PAK5: variants seen among roughly 807,000 people sequenced by gnomAD.
PAK5 encodes serine/threonine-protein kinase PAK 5.
In PAK5, 16 loss-of-function variants were observed where a neutral mutation model predicts 65.9. That is an observed-to-expected ratio of 0.24 (90% CI 0.16 to 0.37). The LOEUF (loss-of-function observed/expected upper bound fraction) is 0.37, where lower values mean the gene tolerates loss of function less well. PAK5 is among the 10% of genes least tolerant of loss of function. The pLI is 1.00. For missense variants in PAK5, 785 were observed against 903.9 expected, an observed-to-expected ratio of 0.87 and a Z score of 1.69; for synonymous variants, 371 against 354.9, an observed-to-expected ratio of 1.05 and a Z score of -0.51.
chr20:9,728,058 C>T (rs368306175), intron 1 of PAK5, among the ~76,000 whole-genome samples: 2 of 152,002 alleles, frequency 1.3e-5, no homozygotes, highest in South Asian at 2.1e-4. Context: ...GAACTTAACC[C>T]CCAAGGTGAT....
intron 7 of PAK5, among the ~76,000 whole-genome samples, chr20:9,549,574 G>A (rs1346504458): frequency 1.3e-5 from 2 of 152,080 alleles, no homozygotes; most frequent in Non-Finnish European, 1.5e-5. Flanking sequence ...TGGTAAAACT[G>A]ATTGAACACC....
rs1979305967 is a variant in PAK5, at chr20:9,838,188, C to T, written c.-162+574G>A. ...TCCATTACAACCCACCAGGCGCGCG[C>T]GCACACACACACGCGCGCACACACA... is the stretch of plus-strand genomic sequence containing the variant. On this transcript the variant is annotated intron_variant, in intron 1 of 9. Transcript: ENST00000353224. This position sits in a 1 kb window ranked among gnomAD's most constrained non-coding sequence, Gnocchi z 4.5. Among the ~76,000 whole-genome samples the T allele has an allele frequency of 7.6e-6, 1 of 131,226 alleles. No homozygotes were observed. The highest frequency in any genetic ancestry group is 3.2e-5 in the African/African-American group (1 of 31,156). 86.1% of individuals were successfully genotyped at this position (131,226 alleles called of 152,430 possible).
At chr20:9,746,651 T>C (rs550921830) in intron 1 of PAK5, among the ~76,000 whole-genome samples, 2 of 152,258 alleles carry the variant, frequency 1.3e-5, no homozygotes, top group African/African-American at 4.8e-5. Context: ...TATGAGCACC[T>C]CAAATCTCAT....
intron 4 of PAK5, among the ~76,000 whole-genome samples, chr20:9,567,587 A>G (rs1367517100): frequency 6.6e-6 from 1 of 152,222 alleles, no homozygotes; most frequent in Non-Finnish European, 1.5e-5. Context: ...ACTATTCTAG[A>G]TGAATTGATT....
intron 2 of PAK5, among the ~76,000 whole-genome samples, chr20:9,707,375 G>A (rs1203277820): frequency 6.6e-6 from 1 of 152,150 alleles, no homozygotes; most frequent in Non-Finnish European, 1.5e-5. Context: ...CTCTTAAAGT[G>A]CTGGGATTAT....
At chr20:9,810,334 A>G (rs2049283962) in intron 1 of PAK5, among the ~76,000 whole-genome samples, 1 of 152,180 alleles carries the variant, frequency 6.6e-6, no homozygotes, top group Non-Finnish European at 1.5e-5. Flanking sequence ...TTACTTTGGG[A>G]GGCTGAGGTG....
chr20:9,813,330 T>C lies in PAK5; in HGVS notation c.-162+25432A>G, dbSNP rs527476813. On this transcript the variant is annotated intron_variant, in intron 1 of 9. Transcript: ENST00000353224. ...TTCATTAGCTTAACCACAGTAACAA[T>C]TCCATGGGTGTATATTGTAAGACAG... Among the ~76,000 whole-genome samples the C allele has an allele frequency of 8.2e-4, 125 of 152,120 alleles. 1 individual carries two copies. The highest frequency in any genetic ancestry group is 2.9e-3 in the African/African-American group (121 of 41,510).
At chr20:9,796,805 G>T (rs1448468938) in intron 1 of PAK5, among the ~76,000 whole-genome samples, 1 of 152,098 alleles carries the variant, frequency 6.6e-6, no homozygotes, top group Non-Finnish European at 1.5e-5. Flanking sequence ...ATGAGATGGG[G>T]AATTGTCAAA....
chr20:9,568,951 T>C (rs1020357680), intron 4 of PAK5, among the ~76,000 whole-genome samples: 1 of 152,188 alleles, frequency 6.6e-6, no homozygotes, highest in Middle Eastern at 3.2e-3. Context: ...ATGTGAGCCA[T>C]TCTGGAGGTG....
At chr20:9,815,291 G>A (rs1279125636) in intron 1 of PAK5, among the ~76,000 whole-genome samples, 1 of 152,134 alleles carries the variant, frequency 6.6e-6, no homozygotes, top group African/African-American at 2.4e-5. Context: ...TATAAATCTG[G>A]TTTAATATCT....
intron 3 of PAK5, among the ~76,000 whole-genome samples, chr20:9,596,710 A>G (rs1397792178): frequency 6.6e-6 from 1 of 151,050 alleles, no homozygotes; most frequent in African/African-American, 2.4e-5. Context: ...CCTTTAGCCC[A>G]GACTGCACCC....
At chr20:9,554,541 G>A (rs1233825221) in intron 7 of PAK5, among the ~76,000 whole-genome samples, 1 of 152,178 alleles carries the variant, frequency 6.6e-6, no homozygotes, top group Non-Finnish European at 1.5e-5. Flanking sequence ...TGAGCTATAA[G>A]AGACAATACT....
intron 1 of PAK5, among the ~76,000 whole-genome samples, chr20:9,817,550 A>C (rs915161651): frequency 9.2e-5 from 14 of 152,236 alleles, no homozygotes; most frequent in African/African-American, 2.9e-4. Context: ...ATAAACAGAT[A>C]AATGAACGAG....
rs147751421 is a variant in PAK5 at position 9,708,291 on chromosome 20, A to C, written c.-12+2995T>G. ...TCAACTGTATTTCCTATGTTACTTC[A>C]GATAATTTGGTTAACCTTGATGAGT... On this transcript the variant is annotated intron_variant, in intron 2 of 9. Coordinates refer to ENST00000353224, the MANE Select transcript of PAK5 (RefSeq NM_177990.4). Among the ~76,000 whole-genome samples the C allele has an allele frequency of 1.9e-4, 29 of 152,286 alleles. 1 individual carries two copies. In the East Asian group the frequency reaches 5.4e-3, roughly 28 times the overall value.
rs1188077280 is a variant in PAK5, at chr20:9,672,813, C to T, written c.-11-28474G>A. Among the ~76,000 whole-genome samples the T allele has an allele frequency of 2.0e-5, 3 of 152,134 alleles. No individual in the cohort carries two copies. In the East Asian group the frequency reaches 5.8e-4, roughly 29 times the overall value. ...TTTCCTTTTACTTTGCCCACATATA[C>T]AGATAGGAAGTATAGATACAAATAG... On this transcript the variant is annotated intron_variant, in intron 2 of 9. Transcript: ENST00000353224.
intron 1 of PAK5, among the ~76,000 whole-genome samples, chr20:9,779,128 C>T (rs767454647): frequency 6.6e-6 from 1 of 152,032 alleles, no homozygotes; most frequent in African/African-American, 2.4e-5. Context: ...ATATGGCTTT[C>T]TTTTACATTG....
chr20:9,573,682 A>G (rs1296382055), intron 4 of PAK5, among the ~76,000 whole-genome samples: 2 of 152,098 alleles, frequency 1.3e-5, no homozygotes, highest in Admixed American at 1.3e-4. Context: ...GTACTGCAGG[A>G]GCATCTATTT....
intron 1 of PAK5, among the ~76,000 whole-genome samples, chr20:9,712,317 C>T (rs2048087736): frequency 2.0e-5 from 3 of 152,056 alleles, no homozygotes; most frequent in Admixed American, 2.0e-4. Flanking sequence ...TCAGCATATC[C>T]TTGCCATTTA....
chr20:9,601,876 A>C (rs2046365937), intron 3 of PAK5, among the ~76,000 whole-genome samples: 1 of 152,218 alleles, frequency 6.6e-6, no homozygotes, highest in Non-Finnish European at 1.5e-5. Context: ...ACTCTAAGTG[A>C]CCTGAACCTC....
Sources: gnomAD v4.1 joint callset for allele counts (sites outside exome capture counted in the v4.1 genomes callset) on GRCh38, gnomAD v4.1.1 for gene constraint, Gnocchi (gnomAD v3.1) non-coding constraint, MANE v1.5 for transcripts, NCBI Gene and HGNC (gene_info 2026-07-23, HGNC 2026-07-21) for gene names.